Variants in FARP1 observed in about 807,000 individuals in gnomAD.
FARP1 encodes the protein FERM, ARH/RhoGEF and pleckstrin domain protein 1, also known as FERM, ARHGEF and pleckstrin domain-containing protein 1.
A neutral mutation model predicts 128.8 loss-of-function variants in FARP1; 52 were observed. The ratio of observed to expected loss-of-function variants is 0.40; its 90% confidence interval spans 0.32 to 0.51. FARP1 has a LOEUF of 0.51. Among genes scored for constraint, FARP1 ranks in the 20% least tolerant of loss-of-function variants. The probability of loss-of-function intolerance (pLI) is 0.45; values close to 1 mark genes in which losing one functional copy is unlikely to be tolerated. For missense variants in FARP1, 1,333 were observed against 1,367.9 expected, an observed-to-expected ratio of 0.97 and a Z score of 0.40; for synonymous variants, 580 against 551.8, an observed-to-expected ratio of 1.05 and a Z score of -0.72.
In FARP1 at chr13:98,390,098, C is replaced by CG. The variant is rs1890250704; in HGVS notation, c.1002dup (p.Ser335ValfsTer18). On this transcript the variant is annotated frameshift_variant, in exon 10 of 27. Coordinates refer to ENST00000319562, the MANE Select transcript of FARP1 (RefSeq NM_005766.4). LOFTEE classifies it high-confidence loss of function. The stretch of plus-strand genomic sequence containing the variant: ...AAAGCCCAAGCCCGTCCTCTTTAGC[C>CG]GGGGGTCATCATTTCGGTTCAGGTG... 1 of 1,613,750 alleles carries CG rather than the reference C, an allele frequency of 6.2e-7. No homozygotes were observed. Among genetic ancestry groups the CG allele is most frequent in the South Asian group, 1.1e-5 (1 of 90,996 alleles).
chr13:98,438,181 C>T (rs1892365410), intron 19 of FARP1, among the ~76,000 whole-genome samples: 1 of 152,156 alleles, frequency 6.6e-6, no homozygotes, highest in South Asian at 2.1e-4. Context: ...GAGGATGTCA[C>T]TCGGGAGGCA....
chr13:98,255,667 T>C (rs1883552052), intron 2 of FARP1, among the ~76,000 whole-genome samples: 1 of 152,224 alleles, frequency 6.6e-6, no homozygotes, highest in African/African-American at 2.4e-5. Context: ...TATATTTTGT[T>C]TGTCTTTTTT....
In FARP1 at chr13:98,438,670, T is replaced by G. The variant is rs1454274937; in HGVS notation, c.2275-134T>G. ...AGCCAGTAGGTTTGCACGCTCGCAGTCCGTTCTTGGGGTCTGCACGCTCGC... is the reference window on the plus strand; with the variant it reads ...AGCCAGTAGGTTTGCACGCTCGCAGGCCGTTCTTGGGGTCTGCACGCTCGC... On this transcript the variant is annotated intron_variant, in intron 19 of 26. Coordinates refer to ENST00000319562, the MANE Select transcript of FARP1 (RefSeq NM_005766.4). 2.7e-5 allele frequency: 18 copies of G among 678,138 alleles called. No homozygotes were observed. In the Admixed American group the frequency reaches 4.5e-4, roughly 17 times the overall value. The allele number at this position is 678,138 out of a possible 1,614,324, so 42.0% of individuals were successfully genotyped here. A position where few individuals can be genotyped will look rare whatever the true frequency, so the allele number is the denominator to read the frequency against.
intron 5 of FARP1, among the ~76,000 whole-genome samples, chr13:98,369,401 C>T (rs576773345): frequency 2.8e-4 from 40 of 144,354 alleles, no homozygotes; most frequent in African/African-American, 1.0e-3. Flanking sequence ...TTTTAGGGTA[C>T]ATGTGCACAA....
At chr13:98,218,747 ACTGCACTCCATG>A in intron 2 of FARP1, among the ~76,000 whole-genome samples, 1 of 152,142 alleles carries the variant, frequency 6.6e-6, no homozygotes, top group East Asian at 1.9e-4. Flanking sequence ...CATAAAACTC[ACTGCACTCCATG>A]CTGCACTCCA....
chr13:98,217,321 C>T (rs1408847003), intron 2 of FARP1, among the ~76,000 whole-genome samples: 3 of 152,010 alleles, frequency 2.0e-5, no homozygotes, highest in Non-Finnish European at 4.4e-5. Context: ...ACAAAAAAGA[C>T]ACCTAGTGCC....
At chr13:98,253,436 GA>G (rs1883440464) in intron 2 of FARP1, among the ~76,000 whole-genome samples, 1 of 152,098 alleles carries the variant, frequency 6.6e-6, no homozygotes, top group African/African-American at 2.4e-5. Context: ...TATCAGTGAA[GA>G]AACTGAGACT....
intron 2 of FARP1, among the ~76,000 whole-genome samples, chr13:98,222,652 T>A (rs1441800836): frequency 6.6e-6 from 1 of 151,820 alleles, no homozygotes; most frequent in Admixed American, 6.6e-5. Context: ...AGACGGAGTC[T>A]TGCTCTGTTG....
intron 5 of FARP1, among the ~76,000 whole-genome samples, chr13:98,370,504 G>C (rs1411105826): frequency 6.6e-6 from 1 of 151,100 alleles, no homozygotes; most frequent in Non-Finnish European, 1.5e-5. Context: ...GGGTCCCTCT[G>C]TCTTGGTGAT....
chr13:98,244,901 G>T, intron 2 of FARP1: 1 of 1,403,082 alleles, frequency 7.1e-7, no homozygotes, highest in Non-Finnish European at 9.2e-7. Context: ...CTCCTAAACG[G>T]GTCTCCAGGA....
At chr13:98,351,389 G>A (rs376638505) in intron 3 of FARP1, among the ~76,000 whole-genome samples, 1 of 152,286 alleles carries the variant, frequency 6.6e-6, no homozygotes, top group South Asian at 2.1e-4. Flanking sequence ...GAGGCAGGCA[G>A]ATCACAAGGT....
chr13:98,288,130 T>C (rs533753515), intron 2 of FARP1, among the ~76,000 whole-genome samples: 1 of 152,106 alleles, frequency 6.6e-6, no homozygotes, highest in African/African-American at 2.4e-5. Flanking sequence ...TAGGAATACA[T>C]GGGTGAACAA....
chr13:98,267,349 G>A lies in FARP1; in HGVS notation c.171+53936G>A, dbSNP rs559126805. On this transcript the variant is annotated intron_variant, in intron 2 of 26. Transcript: ENST00000319562. ...TTATTGGCTGGATGTGGAAAGGGCC[G>A]GTTGTGTCGGCCGAGCCCATTTTCC... 3.3e-5 allele frequency among the ~76,000 whole-genome samples: 5 copies of A among 152,268 alleles called. No individual in the cohort carries two copies. The East Asian group carries it at 7.8e-4, about 24-fold the overall frequency.
At chr13:98,195,744 C>T (rs1030967554) in intron 1 of FARP1, among the ~76,000 whole-genome samples, 52 of 152,204 alleles carry the variant, frequency 3.4e-4, no homozygotes, top group African/African-American at 1.2e-3. Flanking sequence ...AAACGACTAC[C>T]GGCCAGGTGT....
At chr13:98,279,745 T>A (rs61530258) in intron 2 of FARP1, among the ~76,000 whole-genome samples, 12,685 of 152,118 alleles carry the variant, frequency 0.083, 1,070 homozygotes, top group African/African-American at 0.22. Context: ...GGTAGGTGGG[T>A]TGTCTTCTGA....
intron 1 of FARP1, among the ~76,000 whole-genome samples, chr13:98,184,616 T>A (rs1298296469): frequency 6.6e-6 from 1 of 152,142 alleles, no homozygotes; most frequent in African/African-American, 2.4e-5. Context: ...GGGAAAAAAA[T>A]ACCAAAATGC....
At chr13:98,422,485 G>A (rs1891630397) in intron 16 of FARP1, among the ~76,000 whole-genome samples, 1 of 152,202 alleles carries the variant, frequency 6.6e-6, no homozygotes, top group African/African-American at 2.4e-5. Flanking sequence ...CGAAGACCCA[G>A]GAAGGAGCTT....
At chr13:98,377,719 G>T (rs1167196302) in intron 5 of FARP1, 102 bp from the exon 6 acceptor site, 8 of 771,888 alleles carry the variant, frequency 1.0e-5, no homozygotes, top group Admixed American at 5.9e-5. Flanking sequence ...AGACTTCGTG[G>T]TTGGGGTTTG....
At chr13:98,142,675 C>G (rs1875115084), upstream of FARP1, 1 of 152,278 alleles carries the variant, frequency 6.6e-6, no homozygotes, top group South Asian at 2.1e-4. Flanking sequence ...GCAGGCGAAG[C>G]AGCCCCAGGC....
Sources: gnomAD v4.1 joint callset for allele counts (sites outside exome capture counted in the v4.1 genomes callset) on GRCh38, gnomAD v4.1.1 for gene constraint, MANE v1.5 for transcripts, NCBI Gene and HGNC (gene_info 2026-07-23, HGNC 2026-07-21) for gene names.